Variants in RP2 observed in about 807,000 individuals in gnomAD.
RP2 encodes protein XRP2.
In RP2, 3 loss-of-function variants were observed where a neutral mutation model predicts 20.3. The ratio of observed to expected loss-of-function variants is 0.15; its 90% CI spans 0.07 to 0.38. The LOEUF (loss-of-function observed/expected upper bound fraction) is 0.38, where lower values mean the gene tolerates loss of function less well. Among genes scored for constraint, RP2 ranks in the 10% least tolerant of loss-of-function variants. The probability of loss-of-function intolerance (pLI) is 1.00; values close to 1 mark genes in which losing one functional copy is unlikely to be tolerated. For synonymous variants in RP2, 75 were observed against 94.8 expected (o/e 0.79, Z 1.22); for missense variants, 233 against 268.5 (o/e 0.87, Z 0.92).
At chrX:46,840,706 A>G (rs1924604616) in intron 1 of RP2, among the ~76,000 whole-genome samples, 1 of 112,103 alleles carries the variant, frequency 8.9e-6, no homozygotes, top group Admixed American at 9.5e-5. Flanking sequence ...TTAAAACAGG[A>G]AACATTTAAG....
chrX:46,864,289 C>T (rs1370832265), intron 3 of RP2, among the ~76,000 whole-genome samples: 10 of 110,838 alleles, frequency 9.0e-5, no homozygotes, highest in African/African-American at 2.9e-4. Flanking sequence ...GGCAGCAGAG[C>T]GAGACCTTGT....
chrX:46,873,326 AT>A (rs1156786561), intron 3 of RP2, among the ~76,000 whole-genome samples: 2 of 111,791 alleles, frequency 1.8e-5, no homozygotes, highest in African/African-American at 3.3e-5. Flanking sequence ...GACAGCTGAA[AT>A]ATTTAGATCT....
chrX:46,849,005 G>A (rs1227965873), intron 1 of RP2, among the ~76,000 whole-genome samples: 3 of 108,176 alleles, frequency 2.8e-5, no homozygotes, highest in African/African-American at 1.0e-4. Context: ...ACTCCAACCT[G>A]GGCAACAGAG....
intron 4 of RP2, 109 bp from the exon 5 acceptor site, chrX:46,879,571 TACTTGA>T: frequency 2.1e-6 from 1 of 465,922 alleles, no homozygotes; most frequent in Non-Finnish European, 3.8e-6. Context: ...ATAAATGATG[TACTTGA>T]ACTTCTTTTG....
intron 1 of RP2, among the ~76,000 whole-genome samples, chrX:46,850,740 C>T (rs1375915101): frequency 8.9e-6 from 1 of 111,865 alleles, no homozygotes; most frequent in East Asian, 2.8e-4. Context: ...CTTCCCCGCC[C>T]CAGATGTCCC....
intron 3 of RP2, among the ~76,000 whole-genome samples, chrX:46,862,540 G>A (rs1188670458): frequency 1.8e-5 from 2 of 109,323 alleles, no homozygotes; most frequent in Non-Finnish European, 3.8e-5. Flanking sequence ...GGCGCCTGTA[G>A]TCCCAGCTAC....
At chrX:46,864,810 C>A (rs2147084961) in intron 3 of RP2, among the ~76,000 whole-genome samples, 1 of 111,787 alleles carries the variant, frequency 8.9e-6, no homozygotes, top group African/African-American at 3.2e-5. Flanking sequence ...CCAGATTAGT[C>A]AGACTTGGGT....
chrX:46,874,655 A>C (rs1925343862), intron 3 of RP2, among the ~76,000 whole-genome samples: 1 of 111,473 alleles, frequency 9.0e-6, no homozygotes, highest in South Asian at 3.7e-4. Flanking sequence ...CAAAATTAAA[A>C]ATGTTTTCTT....
At chrX:46,869,634 A>G (rs1602352862) in intron 3 of RP2, among the ~76,000 whole-genome samples, 1 of 59,115 alleles carries the variant, frequency 1.7e-5, no homozygotes, top group Admixed American at 2.3e-4. Context: ...TTTGAGGCAG[A>G]GTTTTGCTCT....
intron 1 of RP2, among the ~76,000 whole-genome samples, chrX:46,841,981 A>ATCTCCGCTCACT (rs2147076390): frequency 8.9e-6 from 1 of 111,909 alleles, no homozygotes; most frequent in South Asian, 3.7e-4. Context: ...CAGTGGTATG[A>ATCTCCGCTCACT]TCTCCGCTCA....
chrX:46,869,534 G>A (rs1324758065), intron 3 of RP2, among the ~76,000 whole-genome samples: 2 of 99,233 alleles, frequency 2.0e-5, no homozygotes, highest in Non-Finnish European at 4.1e-5. Flanking sequence ...CGCCCACCTC[G>A]GCCTCCCAAA....
At chrX:46,855,491 G>C (rs1165200504) in intron 2 of RP2, among the ~76,000 whole-genome samples, 1 of 107,528 alleles carries the variant, frequency 9.3e-6, no homozygotes, top group Non-Finnish European at 1.9e-5. Context: ...TTTTTGAGAC[G>C]GAGTCTCACT....
chrX:46,842,011 C>A (rs1403415221), intron 1 of RP2, among the ~76,000 whole-genome samples: 5 of 111,955 alleles, frequency 4.5e-5, no homozygotes, highest in Admixed American at 1.9e-4. Context: ...CTCCTGGATT[C>A]AAGCGATTCT....
At chrX:46,846,409 G>C (rs1014322080) in intron 1 of RP2, among the ~76,000 whole-genome samples, 2 of 109,853 alleles carry the variant, frequency 1.8e-5, no homozygotes, top group Non-Finnish European at 3.8e-5. Context: ...GCAACATAGT[G>C]AGACCCCACC....
intron 1 of RP2, among the ~76,000 whole-genome samples, chrX:46,839,482 T>C (rs192334666): frequency 9.0e-5 from 10 of 110,926 alleles, no homozygotes; most frequent in Admixed American, 8.7e-4. Context: ...AGCCTGGGAC[T>C]TAGAGGCTGC....
chrX:46,858,097 CAATT>C (rs1286089694), intron 2 of RP2, among the ~76,000 whole-genome samples: 1 of 112,055 alleles, frequency 8.9e-6, no homozygotes, highest in African/African-American at 3.2e-5. Context: ...GAAAATGTCA[CAATT>C]AAGTAAGTGA....
chrX:46,881,485 TA>T lies in RP2; in HGVS notation c.*1717del. On this transcript the variant is annotated 3_prime_UTR_variant, in exon 5 of 5. Transcript: ENST00000218340. The stretch of plus-strand genomic sequence containing the variant: ...ATTATATTATTATTATTATTATTAT[TA>T]TTTTTGAGGTGGAGTTTCACTCTTG... 8.9e-6 allele frequency: 1 copy of T among 112,684 alleles called. No individual in the cohort carries two copies. Among genetic ancestry groups the T allele is most frequent in the Non-Finnish European group, 1.9e-5 (1 of 53,247 alleles). The allele number at this position is 112,684 out of a possible 1,213,427, so 9.3% of individuals were successfully genotyped here.
intron 1 of RP2, among the ~76,000 whole-genome samples, chrX:46,845,733 C>T (rs1424566748): frequency 9.0e-6 from 1 of 111,069 alleles, no homozygotes; most frequent in Non-Finnish European, 1.9e-5. Flanking sequence ...AACCATAATG[C>T]ATTTAAGATT....
intron 1 of RP2, among the ~76,000 whole-genome samples, chrX:46,843,310 G>A (rs144765002): frequency 4.5e-5 from 5 of 111,590 alleles, no homozygotes; most frequent in Non-Finnish European, 9.4e-5. Flanking sequence ...ACTGGCCTAT[G>A]TTTAACTTTT....
Sources: allele counts gnomAD v4.1 joint callset (sites outside exome capture counted in the v4.1 genomes callset), GRCh38; gene constraint gnomAD v4.1.1; transcripts MANE v1.5; gene names NCBI Gene and HGNC (gene_info 2026-07-23, HGNC 2026-07-21).